The following KDM4B variants were observed in gnomAD, a reference collection of about 807,000 sequenced individuals.
KDM4B encodes lysine demethylase 4B.
Under a neutral mutation model 125.2 loss-of-function variants are expected in KDM4B, and 32 were observed. The observed-to-expected ratio is 0.26, with a 90% confidence interval of 0.19 to 0.34. The LOEUF is 0.34. KDM4B is among the 10% of genes least tolerant of loss of function. The pLI is 1.00. For missense variants in KDM4B, 1,190 were observed against 1,577.7 expected (o/e 0.75, Z 4.16); for synonymous variants, 721 against 677.9 (o/e 1.06, Z -0.99).
At chr19:5,151,058 G>C (rs150191958) in intron 22 of KDM4B, among the ~76,000 whole-genome samples, 1 of 152,316 alleles carries the variant, frequency 6.6e-6, no homozygotes, top group African/African-American at 2.4e-5. Flanking sequence ...GCCGCAGAGG[G>C]GTCCCTCGGA....
intron 9 of KDM4B, among the ~76,000 whole-genome samples, chr19:5,085,789 G>A (rs1461605632): frequency 1.3e-5 from 2 of 152,208 alleles, no homozygotes; most frequent in African/African-American, 4.8e-5. Context: ...GCCGTCGGGG[G>A]GGTCGGTGGC....
intron 9 of KDM4B, among the ~76,000 whole-genome samples, chr19:5,083,425 C>T (rs573010620): frequency 2.1e-4 from 32 of 152,272 alleles, no homozygotes; most frequent in Non-Finnish European, 3.2e-4. Context: ...GTGTGGGACC[C>T]GGGAAGGGAA....
chr19:5,068,953 C>T (rs1388585548), intron 6 of KDM4B, among the ~76,000 whole-genome samples: 1 of 152,340 alleles, frequency 6.6e-6, no homozygotes, highest in African/African-American at 2.4e-5. Flanking sequence ...TCATCGCAGC[C>T]TTGGAGCCAT....
chr19:5,123,700 C>T (rs1250864636), intron 11 of KDM4B, among the ~76,000 whole-genome samples: 3 of 152,198 alleles, frequency 2.0e-5, no homozygotes, highest in Non-Finnish European at 4.4e-5. Context: ...TTTGGGAAAT[C>T]CTCAGAAATA....
chr19:5,131,661 A>AGGTGGGGTGGGGGAGGGGAGGAGGGGG (rs1568316990), intron 12 of KDM4B, 116 bp downstream of exon 12: 1 of 189,552 alleles, frequency 5.3e-6, no homozygotes, highest in African/African-American at 1.0e-4. Context: ...GGAGGAGGGG[A>AGGTGGGGTGGGGGAGGGGAGGAGGGGG]CAGGAGGGCT....
Position 5,137,279 on chromosome 19 carries a change from C to T in KDM4B, c.2326C>T (p.Pro776Ser), listed in dbSNP as rs1461836340. Residue 776 changes from proline (P) to serine (S), a missense_variant, in exon 16 of 23, where the codon CCC becomes TCC. Physicochemically the swap from Pro to Ser is moderately conservative, Grantham distance 74 (BLOSUM62 -1). Around this residue, in one of 7 missense-constraint regions of KDM4B, gnomAD observed 298 missense variants for 439.7 expected, o/e 0.68. Transcript: ENST00000159111. The stretch of plus-strand genomic sequence containing the variant: ...TCTTCCAGGTTGCTATGGCATCCGT[C>T]CCGAGCTGGTCAATGAAGGCTGGAC... ...QVHASCYGIR[P>S]ELVNEGWTCS... is the part of the protein sequence containing the mutation. 6.3e-7 allele frequency: 1 copy of T among 1,578,140 alleles called. No individual in the cohort carries two copies. Among genetic ancestry groups the T allele is most frequent in the East Asian group, 2.3e-5 (1 of 43,262 alleles).
chr19:5,072,696 A>G (rs897925105), intron 7 of KDM4B, among the ~76,000 whole-genome samples: 1 of 152,246 alleles, frequency 6.6e-6, no homozygotes, highest in Non-Finnish European at 1.5e-5. Flanking sequence ...TCCTGTAACA[A>G]ATGACCACAG....
In KDM4B at chr19:5,144,418, C is replaced by T; in HGVS notation, c.2901+6C>T. ...TGTACCCTGAGAGCATCACGGTGAG[C>T]TGTGGGGTGGGGCAGGGGGCGGGGG... On this transcript the variant is annotated splice_donor_region_variant and intron_variant, in intron 20 of 22. Coordinates refer to ENST00000159111, the MANE Select transcript of KDM4B (RefSeq NM_015015.3). The T allele has an allele frequency of 1.2e-5, 8 of 649,504 alleles. No homozygotes were observed. Among genetic ancestry groups the T allele is most frequent in the Non-Finnish European group, 2.1e-5 (8 of 381,388 alleles). 40.2% of individuals were successfully genotyped at this position (649,504 alleles called of 1,614,324 possible).
rs538382773 is a variant in KDM4B, at chr19:5,064,955, TGGCAAA to T, written c.627-6050_627-6045del. Among the ~76,000 whole-genome samples the T allele has an allele frequency of 1.1e-3, 160 of 152,346 alleles. 1 individual carries two copies. The highest frequency in any genetic ancestry group is 3.7e-3 in the African/African-American group (152 of 41,594). On this transcript the variant is annotated intron_variant, in intron 6 of 22. Transcript: ENST00000159111. ...CCTGCTGTCATTGCCTGCCCATGGCTGGCAAAGGCAGAGGCTGTGAGGGGACAGGAT... is the reference window on the plus strand; with the variant it reads ...CCTGCTGTCATTGCCTGCCCATGGCTGGCAGAGGCTGTGAGGGGACAGGAT...
intron 10 of KDM4B, among the ~76,000 whole-genome samples, chr19:5,116,266 A>C (rs1471609792): frequency 2.1e-5 from 3 of 141,754 alleles, no homozygotes; most frequent in Non-Finnish European, 4.7e-5. Context: ...AAAAAAAATT[A>C]TAAAGAATAG....
At chr19:5,064,457 C>T (rs1333651204) in intron 6 of KDM4B, among the ~76,000 whole-genome samples, 2 of 120,386 alleles carry the variant, frequency 1.7e-5, no homozygotes, top group Non-Finnish European at 3.3e-5. Context: ...ACACATTCCT[C>T]GGCGGCGGGG....
At chr19:5,010,442 T>G (rs1053466957) in intron 1 of KDM4B, among the ~76,000 whole-genome samples, 1 of 152,220 alleles carries the variant, frequency 6.6e-6, no homozygotes, top group Non-Finnish European at 1.5e-5. Context: ...CCTTTTCCCT[T>G]TGGGACTTTG....
intron 11 of KDM4B, among the ~76,000 whole-genome samples, chr19:5,124,015 G>A (rs1373368379): frequency 1.3e-5 from 2 of 151,046 alleles, no homozygotes; most frequent in African/African-American, 2.4e-5. Context: ...TTGGGCTGGG[G>A]TCCCTGGGGG....
rs558154238 is a variant in KDM4B, at chr19:5,152,422, C to T, written c.*911C>T. ...AGAGGCTTCCTTGCAGACAAAGCACCCCTGCACCTCCTATGGCTCAGGATG... is the reference window on the plus strand; with the variant it reads ...AGAGGCTTCCTTGCAGACAAAGCACTCCTGCACCTCCTATGGCTCAGGATG... On this transcript the variant is annotated 3_prime_UTR_variant, in exon 23 of 23. Transcript: ENST00000159111. 6.6e-6 allele frequency: 1 copy of T among 152,486 alleles called. No individual in the cohort carries two copies. Among genetic ancestry groups the T allele is most frequent in the South Asian group, 2.1e-4 (1 of 4,832 alleles). 9.4% of individuals were successfully genotyped at this position (152,486 alleles called of 1,614,324 possible). A position where few individuals can be genotyped will look rare whatever the true frequency, so the allele number is the denominator to read the frequency against.
At position 5,131,224 on chromosome 19, in the gene KDM4B, G is replaced by T; in HGVS notation, c.1464G>T (p.Pro488=). The change falls in exon 12 of 23, where the codon CCG becomes CCT. Residue 488 remains proline, a synonymous_variant. Transcript: ENST00000159111. ...GGCTGCCATCCCCACTGGAGCCCCC[G>T]GTGCTGGGCCCAGGCCCTGCAGCCA... ...ALWLPSPLEP[P]VLGPGPAAME... 6.2e-7 allele frequency: 1 copy of T among 1,606,602 alleles called. No homozygotes were observed. Among genetic ancestry groups the T allele is most frequent in the South Asian group, 1.1e-5 (1 of 90,370 alleles).
intron 1 of KDM4B, among the ~76,000 whole-genome samples, chr19:5,009,534 C>T (rs10409229): frequency 0.2 from 30,339 of 152,060 alleles, 3,107 homozygotes; most frequent in Non-Finnish European, 0.22. Flanking sequence ...CTTCAGAGGA[C>T]AGAGGTCCAG....
At chr19:4,995,329 T>G (rs1014904075) in intron 1 of KDM4B, among the ~76,000 whole-genome samples, 1 of 152,068 alleles carries the variant, frequency 6.6e-6, no homozygotes, top group Non-Finnish European at 1.5e-5. Context: ...GGTCTTTTTT[T>G]TTTGAGATGG....
chr19:5,043,091 G>A (rs2036873179), intron 5 of KDM4B, among the ~76,000 whole-genome samples: 2 of 151,372 alleles, frequency 1.3e-5, no homozygotes, highest in African/African-American at 4.9e-5. Flanking sequence ...TTGGAGCGGG[G>A]GTGTCCCCCT....
intron 9 of KDM4B, among the ~76,000 whole-genome samples, chr19:5,109,443 C>T (rs1343003032): frequency 6.6e-6 from 1 of 152,178 alleles, no homozygotes; most frequent in African/African-American, 2.4e-5. Flanking sequence ...AGTGACGCAG[C>T]GGCAGAGCCA....
Sources: allele counts gnomAD v4.1 joint callset (sites outside exome capture counted in the v4.1 genomes callset), GRCh38; gene constraint gnomAD v4.1.1; regional missense constraint gnomAD v4.1.1; transcripts MANE v1.5; gene names NCBI Gene and HGNC (gene_info 2026-07-23, HGNC 2026-07-21).